The following WNK4 variants were observed in gnomAD, a reference collection of about 807,000 sequenced individuals.
WNK4 encodes the protein WNK lysine deficient protein kinase 4, also known as serine/threonine-protein kinase WNK4.
WNK4 carries 94 observed loss-of-function variants against 116.2 expected under a neutral mutation model. The observed-to-expected ratio is 0.81, with a 90% confidence interval of 0.68 to 0.96. The LOEUF (loss-of-function observed/expected upper bound fraction) is 0.96, where lower values mean the gene tolerates loss of function less well. WNK4 is among the 40% of genes least tolerant of loss of function. The pLI is 0.00. For missense variants in WNK4, 1,542 were observed against 1,650.6 expected, an observed-to-expected ratio of 0.93 and a Z score of 1.14; for synonymous variants, 655 against 672.7, an observed-to-expected ratio of 0.97 and a Z score of 0.41.
intron 2 of WNK4, chr17:42,783,581 C>T: frequency 2.8e-6 from 1 of 358,768 alleles, no homozygotes; most frequent in Non-Finnish European, 5.3e-6. Flanking sequence ...CCATCCCTTC[C>T]CCCTTTCACC....
chr17:42,787,364 T>A lies in WNK4; in HGVS notation c.1563T>A (p.Arg521=). 1 of 1,613,954 alleles carries A rather than the reference T, an allele frequency of 6.2e-7. No individual in the cohort carries two copies. The highest frequency in any genetic ancestry group is 8.5e-7 in the Non-Finnish European group (1 of 1,179,980). Reference sequence around the variant, plus strand: ...GGGTTGCTGCCATCCAGCGAAAGCGTGAGAAGCTGCGTAAAGCAAGGGAAT... The same window carrying A: ...GGGTTGCTGCCATCCAGCGAAAGCGAGAGAAGCTGCGTAAAGCAAGGGAAT... ...RERVAAIQRK[R]EKLRKARELE... Residue 521 remains arginine, a synonymous_variant, in exon 7 of 19, where the codon CGT becomes CGA. Transcript: ENST00000246914.
At chr17:42,781,863 A>G (rs1425654424) in intron 1 of WNK4, among the ~76,000 whole-genome samples, 2 of 152,144 alleles carry the variant, frequency 1.3e-5, no homozygotes, top group Non-Finnish European at 2.9e-5. Context: ...AGACTTCTGG[A>G]CTTCTCCACA....
In WNK4 at chr17:42,785,187, T is replaced by G. The variant is rs1288546784; in HGVS notation, c.1259+2T>G. 6.2e-7 allele frequency: 1 copy of G among 1,612,330 alleles called. No individual in the cohort carries two copies. The highest frequency in any genetic ancestry group is 8.5e-7 in the Non-Finnish European group (1 of 1,179,486). On this transcript the variant is annotated splice_donor_variant, in intron 5 of 18. Coordinates refer to ENST00000246914, the MANE Select transcript of WNK4 (RefSeq NM_032387.5). LOFTEE classifies it high-confidence loss of function. Reference sequence around the variant, plus strand: ...CATCCGCACGGATAAGAACGAGAGGTGGGGGTGAAAGGGCAGAGCGTGGGT... The same window carrying G: ...CATCCGCACGGATAAGAACGAGAGGGGGGGGTGAAAGGGCAGAGCGTGGGT...
In WNK4 at chr17:42,784,693, A is replaced by AGTC. The variant is rs2144015573; in HGVS notation, c.1170+116_1170+118dup. On this transcript the variant is annotated intron_variant, in intron 4 of 18. Transcript: ENST00000246914. This position sits in a 1 kb window ranked among gnomAD's most constrained non-coding sequence, Gnocchi z 4.4. Reference sequence around the variant, plus strand: ...CTGCACGAAAACAGGCTAGACACAGAGTCGCCTTGGTGAACACAGAAGGAT... The same window carrying AGTC: ...CTGCACGAAAACAGGCTAGACACAGAGTCGTCGCCTTGGTGAACACAGAAGGAT... 1 of 1,392,794 alleles carries AGTC rather than the reference A, an allele frequency of 7.2e-7. No homozygotes were observed. Among genetic ancestry groups the AGTC allele is most frequent in the African/African-American group, 1.4e-5 (1 of 70,384 alleles). 86.3% of individuals were successfully genotyped at this position (1,392,794 alleles called of 1,614,324 possible).
rs772583223 is a variant in WNK4 at position 42,781,216 on chromosome 17, A to G, written c.518A>G (p.Tyr173Cys). Residue 173 changes from tyrosine to cysteine, a missense_variant, in exon 1 of 19, where the codon TAC (tyrosine) becomes TGC (cysteine). This residue lies in a region of WNK4 where 44 missense variants were observed against 77.7 expected (regional missense o/e 0.57). Transcript: ENST00000246914. ...GTGGCAACGTCCCCCGATGGCCGAT[A>G]CCTCAAGTTTGACATCGAGATTGGA... ...QAVATSPDGR[Y>C]LKFDIEIGRG... 2 of 1,614,122 alleles carry G rather than the reference A, an allele frequency of 1.2e-6. No homozygotes were observed. The highest frequency in any genetic ancestry group is 1.3e-5 in the African/African-American group (1 of 75,014).
In WNK4 at chr17:42,794,995, C is replaced by A. The variant is rs912262271; in HGVS notation, c.2574C>A (p.Pro858=). 1.9e-6 allele frequency: 3 copies of A among 1,613,320 alleles called. No homozygotes were observed. Among genetic ancestry groups the A allele is most frequent in the African/African-American group, 2.7e-5 (2 of 74,650 alleles). Residue 858 remains proline (P), a synonymous_variant, in exon 14 of 19, where the codon CCC becomes CCA. Transcript: ENST00000246914. Reference sequence around the variant, plus strand: ...TCTCCTCAAATCCCTCTCCACACCCCACCAGCTCTCCACTTCCATTCTCCT... The same window carrying A: ...TCTCCTCAAATCCCTCTCCACACCCAACCAGCTCTCCACTTCCATTCTCCT... ...SQVSSNPSPH[P]TSSPLPFSSS...
chr17:42,788,429 T>C, intron 10 of WNK4, 22 bp downstream of exon 10: 1 of 1,607,670 alleles, frequency 6.2e-7, no homozygotes, highest in Non-Finnish European at 8.5e-7. Flanking sequence ...GTACAGGAGA[T>C]AGAGAGTAAC....
intron 6 of WNK4, 120 bp from the exon 7 acceptor site, chr17:42,787,158 G>A: frequency 7.1e-6 from 10 of 1,410,610 alleles, no homozygotes; most frequent in Admixed American, 1.9e-5. Flanking sequence ...CAGACATAGT[G>A]GGTAATCAGT....
At chr17:42,793,966 T>A (rs548043471) in intron 12 of WNK4, 1 of 472,260 alleles carries the variant, frequency 2.1e-6, no homozygotes, top group Non-Finnish European at 3.8e-6. Context: ...CATTCTCCTG[T>A]CCCAGCCTCC....
At position 42,784,124 on chromosome 17, in the gene WNK4, C is replaced by A; in HGVS notation, c.979C>A (p.Leu327Ile). 1.2e-6 allele frequency: 2 copies of A among 1,608,900 alleles called. No individual in the cohort carries two copies. The highest frequency in any genetic ancestry group is 1.7e-6 in the Non-Finnish European group (2 of 1,180,008). Residue 327 changes from leucine (L) to isoleucine (I), a missense_variant, in exon 3 of 19, where the codon CTC becomes ATC. Transcript: ENST00000246914. The surrounding 1 kb of genome is among the most constrained non-coding windows in gnomAD (Gnocchi z 4.4). ...VKIGDLGLAT[L>I]KRASFAKSVI... is the part of the protein sequence containing the mutation. ...AATCGGGGACCTGGGCCTGGCCACGCTCAAGCGCGCCTCCTTTGCCAAGAG... is the reference window on the plus strand; with the variant it reads ...AATCGGGGACCTGGGCCTGGCCACGATCAAGCGCGCCTCCTTTGCCAAGAG...
rs755811535 is a variant in WNK4, at chr17:42,780,676, C to A, written c.-23C>A. The A allele has an allele frequency of 3.1e-6, 5 of 1,603,680 alleles. No individual in the cohort carries two copies. The highest frequency in any genetic ancestry group is 4.2e-6 in the Non-Finnish European group (5 of 1,179,240). ...CCTCTCCGGCCGTCTGATTTTCTACCCTTCGGCGCCCTGCTCTTCCTCATG... is the reference window on the plus strand; with the variant it reads ...CCTCTCCGGCCGTCTGATTTTCTACACTTCGGCGCCCTGCTCTTCCTCATG... On this transcript the variant is annotated 5_prime_UTR_variant, in exon 1 of 19. Coordinates refer to ENST00000246914, the MANE Select transcript of WNK4 (RefSeq NM_032387.5).
chr17:42,783,455 C>T (rs966815744), intron 2 of WNK4, among the ~76,000 whole-genome samples: 8 of 152,178 alleles, frequency 5.3e-5, no homozygotes, highest in Non-Finnish European at 1.2e-4. Flanking sequence ...AGGATACAGC[C>T]TCACTTTCAG....
In WNK4 at chr17:42,795,422, C is replaced by T. The variant is rs2290040; in HGVS notation, c.2962-39C>T. 6.4e-3 allele frequency: 10,343 copies of T among 1,614,160 alleles called. 492 individuals carry two copies. In the East Asian group the frequency reaches 0.13, roughly 21 times the overall value. On this transcript the variant is annotated intron_variant, in intron 14 of 18. Transcript: ENST00000246914. ...AAGAGGGATGATTAGGGAGACTCCA[C>T]TCTGCACTCTTCCCTTCTCATGGCC... is the stretch of plus-strand genomic sequence containing the variant.
At position 42,784,765 on chromosome 17, in the gene WNK4, AAT is replaced by A. The variant is rs928261624; in HGVS notation, c.1170+189_1170+190del. On this transcript the variant is annotated intron_variant, in intron 4 of 18. Coordinates refer to ENST00000246914, the MANE Select transcript of WNK4 (RefSeq NM_032387.5). This position sits in a 1 kb window ranked among gnomAD's most constrained non-coding sequence, Gnocchi z 4.4. ...ACCAGTACACGCTATTTAGAATAATAATATGTGTGGTGCTCCCAAGAGTTCAC... is the reference window on the plus strand; with the variant it reads ...ACCAGTACACGCTATTTAGAATAATAATGTGTGGTGCTCCCAAGAGTTCAC... Among the ~76,000 whole-genome samples the A allele has an allele frequency of 3.9e-5, 6 of 152,146 alleles. No individual in the cohort carries two copies. Among genetic ancestry groups the A allele is most frequent in the African/African-American group, 1.2e-4 (5 of 41,420 alleles).
In WNK4 at chr17:42,788,378, A is replaced by T. The variant is rs2054574515; in HGVS notation, c.2011A>T (p.Arg671Ter). 6.2e-7 allele frequency: 1 copy of T among 1,613,088 alleles called. No homozygotes were observed. Among genetic ancestry groups the T allele is most frequent in the African/African-American group, 1.3e-5 (1 of 74,886 alleles). Residue 671 changes from arginine to a stop codon, truncating the protein, a stop_gained, in exon 10 of 19, where the codon AGA becomes TGA. Coordinates refer to ENST00000246914, the MANE Select transcript of WNK4 (RefSeq NM_032387.5). LOFTEE classifies it high-confidence loss of function. ...RRPPGRNLRR[R>*]PRSRLRVTSV... ...ACCCCCAGGGAGGAATCTCCGGCGC[A>T]GACCCCGATCCCGGCTGCGGGTCAC...
intron 12 of WNK4, chr17:42,793,960 CTCCTG>C: frequency 4.0e-6 from 2 of 496,738 alleles, no homozygotes; most frequent in Non-Finnish European, 7.3e-6. Context: ...TCACGCCATT[CTCCTG>C]TCCCAGCCTC....
chr17:42,791,962 A>AT (rs112871736), intron 11 of WNK4, among the ~76,000 whole-genome samples: 10,339 of 151,952 alleles, frequency 0.068, 1,037 homozygotes, highest in African/African-American at 0.22. Flanking sequence ...AAAAAAAAAA[A>AT]AATAATAATG....
At chr17:42,786,692 C>T (rs772749949) in intron 6 of WNK4, among the ~76,000 whole-genome samples, 43 of 152,044 alleles carry the variant, frequency 2.8e-4, no homozygotes, top group Non-Finnish European at 3.7e-4. Flanking sequence ...CGTGCCTGGC[C>T]GAGTATGGGA....
At chr17:42,791,493 G>C (rs140827900) in intron 11 of WNK4, among the ~76,000 whole-genome samples, 1 of 152,136 alleles carries the variant, frequency 6.6e-6, no homozygotes, top group Non-Finnish European at 1.5e-5. Context: ...TACAAAATTA[G>C]CTGGGCGTGG....
Sources: gnomAD v4.1 joint callset for allele counts (sites outside exome capture counted in the v4.1 genomes callset) on GRCh38, gnomAD v4.1.1 for gene constraint, gnomAD v4.1.1 regional missense constraint, Gnocchi (gnomAD v3.1) non-coding constraint, MANE v1.5 for transcripts, NCBI Gene and HGNC (gene_info 2026-07-23, HGNC 2026-07-21) for gene names.